Variants in NEK8 observed in about 807,000 individuals in gnomAD.
NEK8 encodes serine/threonine-protein kinase Nek8.
NEK8 carries 51 observed loss-of-function variants against 77.2 expected under a neutral mutation model. The observed-to-expected ratio is 0.66, with a 90% CI of 0.53 to 0.83. NEK8 has a LOEUF of 0.83. NEK8 is among the 40% of genes least tolerant of loss of function. The pLI, the probability that NEK8 is intolerant of heterozygous loss-of-function variation, is 0.00. For missense variants in NEK8, 787 were observed against 909.2 expected, an observed-to-expected ratio of 0.87 and a Z score of 1.73; for synonymous variants, 365 against 363.2, an observed-to-expected ratio of 1.00 and a Z score of -0.06.
intron 9 of NEK8, 54 bp downstream of exon 9, chr17:28,738,801 A>AC (rs754886640): frequency 8.4e-6 from 12 of 1,432,530 alleles, no homozygotes; most frequent in Non-Finnish European, 9.9e-6. Flanking sequence ...CGGGGAGCCC[A>AC]CATCTGTGAG....
chr17:28,731,509 C>T (rs755692396), intron 1 of NEK8, among the ~76,000 whole-genome samples: 1 of 151,882 alleles, frequency 6.6e-6, no homozygotes, highest in African/African-American at 2.4e-5. Context: ...GCTCCACTCC[C>T]GCCTGGCAAC....
chr17:28,729,898 G>A (rs995464242), intron 1 of NEK8, among the ~76,000 whole-genome samples: 5 of 152,300 alleles, frequency 3.3e-5, no homozygotes, highest in Admixed American at 1.3e-4. Flanking sequence ...TAGTCTGCAG[G>A]TGAAGGGAGA....
chr17:28,740,866 C>T lies in NEK8; in HGVS notation c.1613C>T (p.Pro538Leu). Residue 538 changes from proline to leucine, a missense_variant, in exon 12 of 15, where the codon CCT becomes CTT. This residue lies in a region of NEK8 where 516 missense variants were observed against 544.0 expected (regional missense o/e 0.95). Transcript: ENST00000268766. The surrounding 1 kb of genome is among the most constrained non-coding windows in gnomAD (Gnocchi z 4.7). ...GACCACCTCTCCCTGGGGGAGGAGC[C>T]TGTCCCCCACCAGCAAGTGGAGGAG... Reference protein sequence around the residue: ...GLDHLSLGEEPVPHQQVEEAL... With the variant: ...GLDHLSLGEELVPHQQVEEAL... 6.2e-7 allele frequency: 1 copy of T among 1,614,066 alleles called. No homozygotes were observed. The highest frequency in any genetic ancestry group is 8.5e-7 in the Non-Finnish European group (1 of 1,179,968).
chr17:28,734,221 A>G, intron 2 of NEK8, 33 bp downstream of exon 2: 1 of 1,578,956 alleles, frequency 6.3e-7, no homozygotes, highest in Non-Finnish European at 8.7e-7. Context: ...GCCTGGCTGG[A>G]GGGCCTCTTA....
chr17:28,738,157 C>G lies in NEK8; in HGVS notation c.1134C>G (p.Pro378=). 1.2e-6 allele frequency: 2 copies of G among 1,614,150 alleles called. No homozygotes were observed. The highest frequency in any genetic ancestry group is 2.2e-5 in the East Asian group (1 of 44,878). ...CTGGGGCAGTGGAGCAGCCACAGCCCCAGTTCATCTCGCGTTTCCTGGAGG... is the reference window on the plus strand; with the variant it reads ...CTGGGGCAGTGGAGCAGCCACAGCCGCAGTTCATCTCGCGTTTCCTGGAGG... ...LLPGAVEQPQ[P]QFISRFLEGQ... Residue 378 remains proline, a synonymous_variant, in exon 8 of 15, where the codon CCC becomes CCG. Coordinates refer to ENST00000268766, the MANE Select transcript of NEK8 (RefSeq NM_178170.3).
Position 28,741,936 on chromosome 17 carries a change from G to T in NEK8, c.2051-23G>T. The T allele has an allele frequency of 6.2e-7, 1 of 1,613,964 alleles. No homozygotes were observed. On this transcript the variant is annotated intron_variant, in intron 14 of 14. Transcript: ENST00000268766. This position sits in a 1 kb window ranked among gnomAD's most constrained non-coding sequence, Gnocchi z 4.5. The stretch of plus-strand genomic sequence containing the variant: ...AGGCACTGCCCTCAGAAGCTGCAAG[G>T]GTTTCTCTTCGGTACCCTCCAGCGG...
Position 28,741,284 on chromosome 17 carries a change from G to T in NEK8, c.1891+48G>T. On this transcript the variant is annotated intron_variant, in intron 13 of 14. Coordinates refer to ENST00000268766, the MANE Select transcript of NEK8 (RefSeq NM_178170.3). The surrounding 1 kb of genome is among the most constrained non-coding windows in gnomAD (Gnocchi z 4.5). ...GCAGACAGTGCCATGAGCAGTGGGGGGTGGGGGTTGCTATTCAGGGCCACT... is the reference window on the plus strand; with the variant it reads ...GCAGACAGTGCCATGAGCAGTGGGGTGTGGGGGTTGCTATTCAGGGCCACT... 6.3e-7 allele frequency: 1 copy of T among 1,593,182 alleles called. No individual in the cohort carries two copies. Among genetic ancestry groups the T allele is most frequent in the East Asian group, 2.2e-5 (1 of 44,632 alleles).
intron 1 of NEK8, among the ~76,000 whole-genome samples, chr17:28,732,649 T>G (rs1399400562): frequency 6.9e-6 from 1 of 145,838 alleles, no homozygotes; most frequent in African/African-American, 2.5e-5. Context: ...CCTCCCAGGT[T>G]CAGGCCATTC....
At chr17:28,735,665 C>T (rs1330715251) in intron 4 of NEK8, among the ~76,000 whole-genome samples, 1 of 152,120 alleles carries the variant, frequency 6.6e-6, no homozygotes, top group Non-Finnish European at 1.5e-5. Context: ...ATAGCTGCAG[C>T]TCCCCTATCA....
intron 1 of NEK8, 69 bp from the exon 2 acceptor site, chr17:28,733,914 T>A (rs2034334519): frequency 5.3e-5 from 72 of 1,351,988 alleles, no homozygotes; most frequent in Non-Finnish European, 7.3e-5. Flanking sequence ...GTCACTAGGC[T>A]GCACCGCCCT....
chr17:28,729,959 CAG>C (rs2034291090), intron 1 of NEK8, among the ~76,000 whole-genome samples: 2 of 152,128 alleles, frequency 1.3e-5, no homozygotes, highest in Non-Finnish European at 2.9e-5. Context: ...CATGGGAAAA[CAG>C]AGCATTCAAG....
chr17:28,730,202 C>G (rs2034293290), intron 1 of NEK8, among the ~76,000 whole-genome samples: 1 of 152,000 alleles, frequency 6.6e-6, no homozygotes, highest in Non-Finnish European at 1.5e-5. Context: ...TCTCCGCCTC[C>G]CGGGTTCACG....
rs780360396 is a variant in NEK8 at position 28,739,146 on chromosome 17, C to T, written c.1362C>T (p.His454=). Residue 454 remains histidine (H), a synonymous_variant, in exon 10 of 15, where the codon CAC becomes CAT. Coordinates refer to ENST00000268766, the MANE Select transcript of NEK8 (RefSeq NM_178170.3). ...EMVQVACGAS[H]VLALSTEREL... is the part of the protein sequence containing the mutation. ...TGCAGGTGGCCTGTGGGGCCTCTCA[C>T]GTGCTGGCCCTGTCCACTGAGCGAG... The T allele has an allele frequency of 3.3e-5, 53 of 1,614,090 alleles. No individual in the cohort carries two copies. Among genetic ancestry groups the T allele is most frequent in the Admixed American group, 5.0e-5 (3 of 59,998 alleles).
At position 28,737,463 on chromosome 17, in the gene NEK8, T is replaced by C; in HGVS notation, c.776T>C (p.Ile259Thr). ...LSHIMAQPLC[I>T]RALLNLHTDV... ...CACATCATGGCACAGCCCCTCTGCA[T>C]CCGTGCCCTCCTCAACCTCCACACC... The change falls in exon 5 of 15, where the codon ATC becomes ACC. Residue 259 changes from isoleucine (I) to threonine (T), a missense_variant. Around this residue, in one of 2 missense-constraint regions of NEK8, gnomAD observed 271 missense variants for 365.1 expected, o/e 0.74. Transcript: ENST00000268766. The surrounding 1 kb of genome is among the most constrained non-coding windows in gnomAD (Gnocchi z 4.8). The C allele has an allele frequency of 6.2e-7, 1 of 1,613,130 alleles. No individual in the cohort carries two copies. Among genetic ancestry groups the C allele is most frequent in the Non-Finnish European group, 8.5e-7 (1 of 1,180,016 alleles).
chr17:28,738,494 C>G (rs565219329), intron 8 of NEK8, among the ~76,000 whole-genome samples, 177 bp from the exon 9 acceptor site: 14 of 152,314 alleles, frequency 9.2e-5, no homozygotes, highest in Admixed American at 5.9e-4. Context: ...GAGGGTGTCA[C>G]TTGTCCAAAG....
At position 28,737,643 on chromosome 17, in the gene NEK8, T is replaced by C. The variant is rs540062483; in HGVS notation, c.828-32T>C. ...CCTGCATGTAGGAATGTCAGGAGGG[T>C]CTTTGTCCTTAGGCCCCCATCTGTC... On this transcript the variant is annotated intron_variant, in intron 5 of 14. Transcript: ENST00000268766. This position sits in a 1 kb window ranked among gnomAD's most constrained non-coding sequence, Gnocchi z 4.8. The C allele has an allele frequency of 8.7e-6, 14 of 1,613,854 alleles. No individual in the cohort carries two copies. The East Asian group carries it at 2.9e-4, about 33-fold the overall frequency.
Position 28,740,894 on chromosome 17 carries a change from C to T in NEK8, c.1641C>T (p.Ala547=), listed in dbSNP as rs8073738. Reference sequence around the variant, plus strand: ...TCCCCCACCAGCAAGTGGAGGAGGCCCTGAGCTTCACACTACTAGGCTCTG... The same window carrying T: ...TCCCCCACCAGCAAGTGGAGGAGGCTCTGAGCTTCACACTACTAGGCTCTG... ...EPVPHQQVEE[A]LSFTLLGSAP... The change falls in exon 12 of 15, where the codon GCC becomes GCT. Residue 547 remains alanine, a synonymous_variant. Transcript: ENST00000268766. The surrounding 1 kb of genome is among the most constrained non-coding windows in gnomAD (Gnocchi z 4.7). 1.2e-3 allele frequency: 1,988 copies of T among 1,614,090 alleles called. 24 individuals carry two copies. The African/African-American group carries it at 0.024, about 19-fold the overall frequency.
chr17:28,740,441 C>A lies in NEK8; in HGVS notation c.1418-22C>A, dbSNP rs760054637. On this transcript the variant is annotated intron_variant, in intron 10 of 14. Coordinates refer to ENST00000268766, the MANE Select transcript of NEK8 (RefSeq NM_178170.3). This position sits in a 1 kb window ranked among gnomAD's most constrained non-coding sequence, Gnocchi z 4.7. ...ACCCCCACTAAAGCTCAAATTAACT[C>A]CTTCTGGGTTTCTTCTTGTAGGCAG... 50 of 1,613,700 alleles carry A rather than the reference C, an allele frequency of 3.1e-5. No individual in the cohort carries two copies. The highest frequency in any genetic ancestry group is 4.1e-5 in the Non-Finnish European group (48 of 1,179,756).
At chr17:28,734,686 C>CAA (rs59495219) in intron 2 of NEK8, 86 bp from the exon 3 acceptor site, 778 of 787,262 alleles carry the variant, frequency 9.9e-4, no homozygotes, top group Non-Finnish European at 1.2e-3. Flanking sequence ...GACTCCATCT[C>CAA]AAAAAAAAAA....
Sources: gnomAD v4.1 joint callset for allele counts (sites outside exome capture counted in the v4.1 genomes callset) on GRCh38, gnomAD v4.1.1 for gene constraint, gnomAD v4.1.1 regional missense constraint, Gnocchi (gnomAD v3.1) non-coding constraint, MANE v1.5 for transcripts, NCBI Gene and HGNC (gene_info 2026-07-23, HGNC 2026-07-21) for gene names.